CMIP: variants seen among roughly 807,000 people sequenced by gnomAD.
CMIP encodes C-Maf-inducing protein.
CMIP carries 13 observed loss-of-function variants against 97.3 expected under a neutral mutation model. That is an observed-to-expected ratio of 0.13 (90% confidence interval 0.09 to 0.21). CMIP has a LOEUF of 0.21. Ranked by LOEUF, CMIP falls within the 10% of genes least tolerant of loss-of-function variation. The pLI is 1.00. For synonymous variants in CMIP, 538 were observed against 436.3 expected (o/e 1.23, Z -2.91); for missense variants, 847 against 1,024.9 (o/e 0.83, Z 2.37).
At chr16:81,468,976 T>C (rs1250418762) in intron 1 of CMIP, among the ~76,000 whole-genome samples, 1 of 152,190 alleles carries the variant, frequency 6.6e-6, no homozygotes, top group Non-Finnish European at 1.5e-5. Flanking sequence ...GAAGCCGAAT[T>C]ACAGGAAGGC....
At chr16:81,689,203 TC>T (rs1431389718) in intron 10 of CMIP, among the ~76,000 whole-genome samples, 1 of 152,248 alleles carries the variant, frequency 6.6e-6, no homozygotes, top group Non-Finnish European at 1.5e-5. Context: ...AAATGGTATT[TC>T]TAGTTCTAGA....
At chr16:81,457,742 C>T (rs999196376) in intron 1 of CMIP, among the ~76,000 whole-genome samples, 19 of 152,244 alleles carry the variant, frequency 1.2e-4, no homozygotes, top group African/African-American at 4.6e-4. Context: ...AACTCCTGCA[C>T]CGTCCCACAG....
intron 5 of CMIP, among the ~76,000 whole-genome samples, chr16:81,659,542 G>C (rs766074388): frequency 1.3e-5 from 2 of 152,184 alleles, no homozygotes; most frequent in Non-Finnish European, 2.9e-5. Context: ...CATGTGCAAA[G>C]GCAAAGTGGT....
chr16:81,673,717 G>A (rs2151046908), intron 9 of CMIP, among the ~76,000 whole-genome samples: 1 of 152,272 alleles, frequency 6.6e-6, no homozygotes, highest in East Asian at 1.9e-4. Flanking sequence ...CTGCTCCCGG[G>A]ATGCAGACTA....
At chr16:81,664,694 T>C (rs2092584309) in intron 7 of CMIP, 1 of 486,060 alleles carries the variant, frequency 2.1e-6, no homozygotes, top group South Asian at 4.5e-5. Flanking sequence ...TAGTGTGTGC[T>C]GCGCACAGCG....
At chr16:81,594,189 C>G (rs2091512947) in intron 1 of CMIP, among the ~76,000 whole-genome samples, 1 of 148,746 alleles carries the variant, frequency 6.7e-6, no homozygotes. Flanking sequence ...GCAATATCGG[C>G]TCAGTGCAAC....
intron 1 of CMIP, among the ~76,000 whole-genome samples, chr16:81,592,610 C>A (rs970212145): frequency 5.3e-5 from 8 of 152,222 alleles, no homozygotes; most frequent in African/African-American, 1.9e-4. Flanking sequence ...GGCTCCCAGG[C>A]CAGTGTCTGG....
Position 81,645,373 on chromosome 16 carries a change from C to A in CMIP, c.478-6830C>A, listed in dbSNP as rs1040341788. 5.5e-6 allele frequency: 8 copies of A among 1,453,640 alleles called. No individual in the cohort carries two copies. In the African/African-American group the frequency reaches 5.6e-5, roughly 10 times the overall value. 90.0% of individuals were successfully genotyped at this position (1,453,640 alleles called of 1,614,324 possible). On this transcript the variant is annotated intron_variant, in intron 3 of 20. Transcript: ENST00000537098. ...GTGCTTGGGTGTGTACGCGCGCGAGCCCCAGAGGCTGCGGCAGCAGCAGAG... is the reference window on the plus strand; with the variant it reads ...GTGCTTGGGTGTGTACGCGCGCGAGACCCAGAGGCTGCGGCAGCAGCAGAG...
chr16:81,607,510 C>A, intron 1 of CMIP, 57 bp from the exon 2 acceptor site: 1 of 1,594,422 alleles, frequency 6.3e-7, no homozygotes, highest in Non-Finnish European at 8.5e-7. Context: ...GAGATGCGGA[C>A]GTCATGCCTG....
intron 7 of CMIP, among the ~76,000 whole-genome samples, chr16:81,669,490 C>G (rs2092657302): frequency 7.1e-6 from 1 of 141,840 alleles, no homozygotes. Context: ...CCTCTCTCAC[C>G]TCCTTCCACA....
chr16:81,674,673 C>T (rs769130991), intron 9 of CMIP, among the ~76,000 whole-genome samples: 8 of 152,114 alleles, frequency 5.3e-5, no homozygotes, highest in Non-Finnish European at 8.8e-5. Context: ...ACAGCCTCCA[C>T]CTCCTGGGTT....
At chr16:81,605,342 A>T (rs368642647) in intron 1 of CMIP, among the ~76,000 whole-genome samples, 1 of 152,210 alleles carries the variant, frequency 6.6e-6, no homozygotes, top group Non-Finnish European at 1.5e-5. Flanking sequence ...GGTGGAAAGG[A>T]CAGGATGAAC....
chr16:81,687,901 T>A (rs1054289174), intron 10 of CMIP, among the ~76,000 whole-genome samples: 3 of 152,214 alleles, frequency 2.0e-5, no homozygotes, highest in Admixed American at 6.5e-5. Flanking sequence ...AGCCCTGTGG[T>A]CACGGTCAGT....
intron 5 of CMIP, among the ~76,000 whole-genome samples, chr16:81,660,642 G>T (rs1044972738): frequency 6.6e-6 from 1 of 152,108 alleles, no homozygotes; most frequent in East Asian, 1.9e-4. Flanking sequence ...TCCCATCCCA[G>T]TGCCCTCTTT....
intron 3 of CMIP, among the ~76,000 whole-genome samples, chr16:81,624,488 CAAAAAAA>C (rs371369093): frequency 1.1e-4 from 10 of 92,682 alleles, no homozygotes; most frequent in Non-Finnish European, 2.3e-4. Flanking sequence ...GACTCCGTCT[CAAAAAAA>C]AAAAAAAAAA....
chr16:81,486,849 GC>G (rs1377730144), intron 1 of CMIP, among the ~76,000 whole-genome samples: 1 of 152,264 alleles, frequency 6.6e-6, no homozygotes, highest in African/African-American at 2.4e-5. Context: ...GTTGTTCTTG[GC>G]CATTTTCCCC....
chr16:81,481,762 G>A (rs962331475), intron 1 of CMIP, among the ~76,000 whole-genome samples: 2 of 152,214 alleles, frequency 1.3e-5, no homozygotes, highest in African/African-American at 4.8e-5. Flanking sequence ...CTAAGGGAAG[G>A]GTCTGTTGCC....
chr16:81,521,152 G>A (rs1045416403), intron 1 of CMIP, among the ~76,000 whole-genome samples: 10 of 152,234 alleles, frequency 6.6e-5, no homozygotes, highest in Non-Finnish European at 8.8e-5. Context: ...GTTCTGGAAG[G>A]CTTTTCTTTG....
At chr16:81,684,357 G>C (rs1431441801) in intron 10 of CMIP, among the ~76,000 whole-genome samples, 3 of 152,264 alleles carry the variant, frequency 2.0e-5, no homozygotes, top group Non-Finnish European at 4.4e-5. Flanking sequence ...TGCCCCCACA[G>C]GGGCCTTCTC....
Sources: gnomAD v4.1 joint callset for allele counts (sites outside exome capture counted in the v4.1 genomes callset) on GRCh38, gnomAD v4.1.1 for gene constraint, MANE v1.5 for transcripts, NCBI Gene and HGNC (gene_info 2026-07-23, HGNC 2026-07-21) for gene names.